Variants in SWAP70 observed in about 807,000 individuals in gnomAD.
SWAP70 encodes switching B cell complex subunit SWAP70.
SWAP70 carries 34 observed loss-of-function variants against 80.2 expected under a neutral mutation model. That is an observed-to-expected ratio of 0.42 (90% CI 0.32 to 0.56). The LOEUF is 0.56. SWAP70 is among the 20% of genes least tolerant of loss of function. The pLI is 0.09. For synonymous variants in SWAP70, 239 were observed against 238.5 expected (o/e 1.00, Z -0.02); for missense variants, 578 against 690.7 (o/e 0.84, Z 1.83).
At chr11:9,707,353 T>A (rs1024529408) in intron 2 of SWAP70, among the ~76,000 whole-genome samples, 34 of 152,000 alleles carry the variant, frequency 2.2e-4, no homozygotes, top group African/African-American at 6.3e-4. Context: ...CATTCTACTA[T>A]TTTTTTAAAG....
chr11:9,723,150 G>C (rs1056493665), intron 3 of SWAP70, among the ~76,000 whole-genome samples: 1 of 152,130 alleles, frequency 6.6e-6, no homozygotes, highest in East Asian at 1.9e-4. Context: ...AATCCCTCTG[G>C]CAGAATATGT....
chr11:9,671,766 A>ATAAATAAAAAT (rs1850409153), intron 1 of SWAP70, among the ~76,000 whole-genome samples: 1 of 2,734 alleles, frequency 3.7e-4, no homozygotes, highest in Non-Finnish European at 1.1e-3. Flanking sequence ...ATAAATATAT[A>ATAAATAAAAAT]ATATAAATAT....
chr11:9,672,045 A>G (rs1481600914), intron 1 of SWAP70, among the ~76,000 whole-genome samples: 1 of 123,596 alleles, frequency 8.1e-6, no homozygotes, highest in Non-Finnish European at 1.6e-5. Flanking sequence ...AATATATTTT[A>G]TATAATATAT....
Position 9,713,385 on chromosome 11 carries a change from G to A in SWAP70, c.241-81G>A, listed in dbSNP as rs1191028507. On this transcript the variant is annotated intron_variant, in intron 2 of 11. Transcript: ENST00000318950. ...TTGATTAAAATGGGAGCCAAAGGAG[G>A]CTTTGTCTTTCTATTTTACTTGCCT... 6 of 1,383,596 alleles carry A rather than the reference G, an allele frequency of 4.3e-6. No individual in the cohort carries two copies. The Admixed American group carries it at 7.5e-5, about 17-fold the overall frequency. The allele number at this position is 1,383,596 out of a possible 1,614,324, so 85.7% of individuals were successfully genotyped here. A position where few individuals can be genotyped will look rare whatever the true frequency, so the allele number is the denominator to read the frequency against.
chr11:9,693,886 A>G (rs1419331821), intron 1 of SWAP70, among the ~76,000 whole-genome samples: 1 of 152,036 alleles, frequency 6.6e-6, no homozygotes, highest in Admixed American at 6.6e-5. Context: ...GGAGTATTAT[A>G]TTCACAGATC....
At chr11:9,724,026 G>C (rs1488060469) in intron 3 of SWAP70, among the ~76,000 whole-genome samples, 2 of 152,116 alleles carry the variant, frequency 1.3e-5, no homozygotes, top group African/African-American at 4.8e-5. Flanking sequence ...CTCCTGCCTT[G>C]GCCTCCCAAA....
chr11:9,703,473 T>G, intron 2 of SWAP70: 1 of 456,298 alleles, frequency 2.2e-6, no homozygotes, highest in Non-Finnish European at 4.4e-6. Flanking sequence ...GCCCATCAAA[T>G]GCAGCGAATT....
In SWAP70 at chr11:9,729,454, A is replaced by C. The variant is rs1851267229; in HGVS notation, c.898+3A>C. 1.9e-6 allele frequency: 3 copies of C among 1,589,606 alleles called. No homozygotes were observed. The highest frequency in any genetic ancestry group is 8.6e-7 in the Non-Finnish European group (1 of 1,161,262). ...GAAGAAACAGGAGTGGATTCAAGGT[A>C]AGGTGATTTTTTATTATTTGCCATG... On this transcript the variant is annotated splice_donor_region_variant and intron_variant, in intron 6 of 11. Coordinates refer to ENST00000318950, the MANE Select transcript of SWAP70 (RefSeq NM_015055.4).
intron 1 of SWAP70, among the ~76,000 whole-genome samples, chr11:9,690,133 C>T (rs1850678454): frequency 6.6e-6 from 1 of 152,080 alleles, no homozygotes; most frequent in African/African-American, 2.4e-5. Context: ...ATCTATTCTC[C>T]CTGTGGAGAG....
chr11:9,725,849 C>T (rs1423088963), intron 4 of SWAP70, among the ~76,000 whole-genome samples: 5 of 152,046 alleles, frequency 3.3e-5, no homozygotes, highest in South Asian at 2.1e-4. Context: ...GCATTACAGG[C>T]GTGAACCGCC....
chr11:9,679,331 TG>T (rs1017010103), intron 1 of SWAP70, among the ~76,000 whole-genome samples: 4 of 152,226 alleles, frequency 2.6e-5, no homozygotes, highest in Admixed American at 6.5e-5. Context: ...TGGACAGTGT[TG>T]GAAGGTATTA....
chr11:9,698,985 G>A lies in SWAP70; in HGVS notation c.240+4699G>A, dbSNP rs527956327. Among the ~76,000 whole-genome samples the A allele has an allele frequency of 3.3e-5, 5 of 151,396 alleles. No individual in the cohort carries two copies. The South Asian group carries it at 1.0e-3, about 31-fold the overall frequency. On this transcript the variant is annotated intron_variant, in intron 2 of 11. Coordinates refer to ENST00000318950, the MANE Select transcript of SWAP70 (RefSeq NM_015055.4). The stretch of plus-strand genomic sequence containing the variant: ...TGTTATTAACTATAGTTATCATGTG[G>A]TACATGATCATGCTTTAATTCGGAA...
chr11:9,724,841 A>G lies in SWAP70; in HGVS notation c.598A>G (p.Ile200Val). 6.2e-7 allele frequency: 1 copy of G among 1,613,822 alleles called. No homozygotes were observed. Among genetic ancestry groups the G allele is most frequent in the Non-Finnish European group, 8.5e-7 (1 of 1,179,754 alleles). The change falls in exon 4 of 12, where the codon ATT becomes GTT. Residue 200 changes from isoleucine (I) to valine (V), a missense_variant. Physicochemically the swap from Ile to Val is conservative, Grantham distance 29. Coordinates refer to ENST00000318950, the MANE Select transcript of SWAP70 (RefSeq NM_015055.4). ...GGACCGGCAGACTGTGTCTATGGCA[A>G]TTAATGAAGTCTTTAATGAACTTAT... The part of the protein sequence containing the change: ...GMDRQTVSMA[I>V]NEVFNELILD...
intron 1 of SWAP70, among the ~76,000 whole-genome samples, chr11:9,680,050 CAA>C (rs1850548145): frequency 6.6e-6 from 1 of 152,116 alleles, no homozygotes; most frequent in African/African-American, 2.4e-5. Context: ...TTCTACCAAA[CAA>C]TGATGTTGAA....
At chr11:9,707,665 C>T (rs1323547859) in intron 2 of SWAP70, among the ~76,000 whole-genome samples, 2 of 150,546 alleles carry the variant, frequency 1.3e-5, no homozygotes, top group Non-Finnish European at 2.9e-5. Context: ...AAGTGACTCT[C>T]CTGCCTCAGC....
intron 1 of SWAP70, among the ~76,000 whole-genome samples, chr11:9,680,007 C>A (rs1239172732): frequency 6.6e-6 from 1 of 152,134 alleles, no homozygotes; most frequent in Non-Finnish European, 1.5e-5. Context: ...AGCTCACAAC[C>A]TTTATATGTG....
At chr11:9,726,963 G>C (rs957638663) in intron 4 of SWAP70, 2 of 456,248 alleles carry the variant, frequency 4.4e-6, no homozygotes, top group Admixed American at 4.7e-5. Context: ...AAGGTAGGTT[G>C]GTACCAGAGG....
chr11:9,695,590 G>C (rs1850746002), intron 2 of SWAP70, among the ~76,000 whole-genome samples: 1 of 149,848 alleles, frequency 6.7e-6, no homozygotes, highest in African/African-American at 2.5e-5. Context: ...TGAACACAGA[G>C]GGGGGAACAA....
intron 9 of SWAP70, among the ~76,000 whole-genome samples, chr11:9,743,327 C>G (rs1260348472): frequency 2.6e-5 from 4 of 151,558 alleles, no homozygotes; most frequent in Non-Finnish European, 5.9e-5. Flanking sequence ...GATTCCAAGT[C>G]TTTGCTATTG....
Sources: gnomAD v4.1 joint callset for allele counts (sites outside exome capture counted in the v4.1 genomes callset) on GRCh38, gnomAD v4.1.1 for gene constraint, MANE v1.5 for transcripts, NCBI Gene and HGNC (gene_info 2026-07-23, HGNC 2026-07-21) for gene names.